GOLGA8A: variants seen among roughly 807,000 people sequenced by gnomAD.
GOLGA8A encodes the protein golgin subfamily A member 8A.
A neutral mutation model predicts 22.1 loss-of-function variants in GOLGA8A; 3 were observed. That is an observed-to-expected ratio of 0.14 (90% CI 0.06 to 0.35). The LOEUF is 0.35. Among genes scored for constraint, GOLGA8A ranks in the 10% least tolerant of loss-of-function variants. GOLGA8A has a pLI of 1.00. For missense variants in GOLGA8A, 16 were observed against 233.2 expected, an observed-to-expected ratio of 0.07 and a Z score of 6.07; for synonymous variants, 7 against 91.7, an observed-to-expected ratio of 0.08 and a Z score of 5.28.
chr15:34,430,451 A>G (rs1439317877), intron 2 of GOLGA8A, among the ~76,000 whole-genome samples: 1 of 149,162 alleles, frequency 6.7e-6, no homozygotes, highest in East Asian at 2.0e-4. Context: ...ACCCAATGCC[A>G]TTCCCGAGAC....
At chr15:34,420,735 A>G (rs1892764267) in intron 2 of GOLGA8A, among the ~76,000 whole-genome samples, 1 of 125,338 alleles carries the variant, frequency 8.0e-6, no homozygotes, top group Non-Finnish European at 1.7e-5. Context: ...TTCATGGCTG[A>G]AAGCGTCACC....
intron 15 of GOLGA8A, 28 bp from the exon 16 acceptor site, chr15:34,385,185 CA>C: frequency 6.0e-6 from 2 of 331,776 alleles, no homozygotes. Context: ...ACATGGGGCT[CA>C]AAGGACTCCG....
intron 2 of GOLGA8A, among the ~76,000 whole-genome samples, chr15:34,427,730 T>C (rs1327196808): frequency 6.7e-6 from 1 of 148,354 alleles, no homozygotes; most frequent in East Asian, 2.0e-4. Context: ...TTCAACCTAT[T>C]TGCCAAATCA....
chr15:34,432,703 G>A (rs1325027176), intron 2 of GOLGA8A, among the ~76,000 whole-genome samples: 8 of 148,902 alleles, frequency 5.4e-5, no homozygotes, highest in Non-Finnish European at 8.9e-5. Flanking sequence ...GTCACTCAAC[G>A]CAGGTACCTC....
intron 2 of GOLGA8A, chr15:34,418,130 T>TAAAAAAAAAA (rs60344538): frequency 1.1e-3 from 66 of 62,668 alleles, no homozygotes; most frequent in South Asian, 5.0e-3. Flanking sequence ...GTAGATTCTT[T>TAAAAAAAAAA]AAAAAAAAAA....
chr15:34,431,312 CA>C lies in GOLGA8A; in HGVS notation c.-1123+4070del, dbSNP rs1893228544. On this transcript the variant is annotated intron_variant, in intron 2 of 24. Transcript: ENST00000359187. ...AAAATTATATATATATATATATATA[CA>C]TATATATATATATATATATATATAT... Among the ~76,000 whole-genome samples the C allele has an allele frequency of 1.8e-3, 84 of 45,732 alleles. 9 individuals are homozygous for C. Among genetic ancestry groups the C allele is most frequent in the Non-Finnish European group, 7.7e-4 (13 of 16,844 alleles). 30.0% of individuals were successfully genotyped at this position (45,732 alleles called of 152,430 possible).
At chr15:34,436,636 G>C (rs1893528173) in intron 1 of GOLGA8A, among the ~76,000 whole-genome samples, 1 of 150,050 alleles carries the variant, frequency 6.7e-6, no homozygotes, top group Non-Finnish European at 1.5e-5. Flanking sequence ...AGAAAAGGAA[G>C]TTCGCCCCTA....
At chr15:34,417,658 A>AT (rs1325479980) in intron 2 of GOLGA8A, 1 of 145,652 alleles carries the variant, frequency 6.9e-6, no homozygotes, top group Non-Finnish European at 1.5e-5. Context: ...TTATTTTTGC[A>AT]TTTTTACTTT....
intron 18 of GOLGA8A, 40 bp downstream of exon 18, chr15:34,383,706 G>GGT: frequency 2.3e-5 from 3 of 131,802 alleles, no homozygotes. Flanking sequence ...GTTGTTGGTG[G>GGT]GGGGGGGGTG....
chr15:34,429,170 C>T (rs1300721843), intron 2 of GOLGA8A, among the ~76,000 whole-genome samples: 2 of 147,710 alleles, frequency 1.4e-5, no homozygotes, highest in African/African-American at 2.5e-5. Flanking sequence ...CCCCTGACCG[C>T]GTCTTCCTCC....
chr15:34,435,162 G>T (rs1893444793), intron 2 of GOLGA8A, among the ~76,000 whole-genome samples: 1 of 149,318 alleles, frequency 6.7e-6, no homozygotes, highest in Admixed American at 6.8e-5. Context: ...AGGAGCTGAG[G>T]CCTGGAGGGG....
intron 2 of GOLGA8A, among the ~76,000 whole-genome samples, chr15:34,428,130 CTG>C (rs1172344792): frequency 6.9e-6 from 1 of 145,224 alleles, no homozygotes; most frequent in African/African-American, 2.5e-5. Flanking sequence ...AGTTCTCACT[CTG>C]TCACCCAGGG....
At chr15:34,427,645 G>GCTT (rs1242814384) in intron 2 of GOLGA8A, among the ~76,000 whole-genome samples, 1 of 145,642 alleles carries the variant, frequency 6.9e-6, no homozygotes, top group East Asian at 2.1e-4. Flanking sequence ...AGCTTCAAAA[G>GCTT]GCAGCCTGCC....
chr15:34,436,994 C>A (rs1224405575), intron 1 of GOLGA8A, among the ~76,000 whole-genome samples: 2 of 149,356 alleles, frequency 1.3e-5, no homozygotes, highest in Non-Finnish European at 3.0e-5. Flanking sequence ...GGACTTGATG[C>A]CGGCGCCAAG....
At chr15:34,424,586 G>A (rs1892908893) in intron 2 of GOLGA8A, among the ~76,000 whole-genome samples, 1 of 139,388 alleles carries the variant, frequency 7.2e-6, no homozygotes, top group Admixed American at 7.4e-5. Flanking sequence ...TGATCCCAGT[G>A]ACAACAGCAG....
rs150129135 is a variant in GOLGA8A, at chr15:34,436,934, G to T, written c.-1212+464C>A. Among the ~76,000 whole-genome samples the T allele has an allele frequency of 9.1e-3, 1,362 of 149,714 alleles. 116 individuals carry two copies. Among genetic ancestry groups the T allele is most frequent in the African/African-American group, 0.032 (1,282 of 40,698 alleles). The stretch of plus-strand genomic sequence containing the variant: ...AGATCCGGGCTCGAGTTCTCCCAGG[G>T]AAGTGAACCCAGAGGCGATCCCAAA... On this transcript the variant is annotated intron_variant, in intron 1 of 24. Transcript: ENST00000359187.
chr15:34,434,149 T>C (rs8037683), intron 2 of GOLGA8A, among the ~76,000 whole-genome samples: 13,992 of 149,154 alleles, frequency 0.094, 1,740 homozygotes, highest in South Asian at 0.25. Flanking sequence ...GCAATGAGCC[T>C]GTCTGCCTGG....
intron 4 of GOLGA8A, among the ~76,000 whole-genome samples, chr15:34,405,394 G>GGGT (rs1359491129): frequency 1.4e-5 from 2 of 141,232 alleles, no homozygotes; most frequent in African/African-American, 5.1e-5. Context: ...GCGTATACAG[G>GGGT]GGTGATCTCT....
intron 1 of GOLGA8A, among the ~76,000 whole-genome samples, chr15:34,436,395 C>T (rs1436368167): frequency 1.3e-5 from 2 of 149,860 alleles, no homozygotes; most frequent in Non-Finnish European, 3.0e-5. Context: ...AAGTTTGGGG[C>T]GCTTCCTCCA....
Sources: allele counts gnomAD v4.1 joint callset (sites outside exome capture counted in the v4.1 genomes callset), GRCh38; gene constraint gnomAD v4.1.1; transcripts MANE v1.5; gene names NCBI Gene and HGNC (gene_info 2026-07-23, HGNC 2026-07-21).